PRH1: variants seen among roughly 807,000 people sequenced by gnomAD.
PRH1 encodes salivary acidic proline-rich phosphoprotein 1/2.
PRH1 carries 7 observed loss-of-function variants against 7.9 expected under a neutral mutation model. The observed-to-expected ratio is 0.89, with a 90% CI of 0.50 to 1.67. The LOEUF (loss-of-function observed/expected upper bound fraction) is 1.67. PRH1 is among the 40% of genes most tolerant of loss of function. The pLI, the probability that PRH1 is intolerant of heterozygous loss-of-function variation, is 0.00. For missense variants in PRH1, 109 were observed against 223.6 expected (o/e 0.49, Z 3.27); for synonymous variants, 45 against 80.8 (o/e 0.56, Z 2.38).
At chr12:10,944,631 G>C (rs115825361) in intron 2 of PRH1, among the ~76,000 whole-genome samples, 1 of 152,126 alleles carries the variant, frequency 6.6e-6, no homozygotes, top group Non-Finnish European at 1.5e-5. Context: ...ATCGTTTCCT[G>C]TTGCTGGTTT....
intron 1 of PRH1, among the ~76,000 whole-genome samples, chr12:10,978,268 C>T (rs542154627): frequency 5.1e-4 from 78 of 152,242 alleles, no homozygotes; most frequent in African/African-American, 1.8e-3. Flanking sequence ...TGCCACCCAC[C>T]TACAGCCATC....
intron 2 of PRH1, among the ~76,000 whole-genome samples, chr12:10,950,555 A>T (rs150532855): frequency 0.02 from 3,000 of 151,828 alleles, 35 homozygotes; most frequent in South Asian, 0.032. Flanking sequence ...TTATATATTT[A>T]ATATACTTAT....
downstream of PRH1, among the ~76,000 whole-genome samples, chr12:11,120,159 A>C (rs577010340): frequency 1.5e-4 from 23 of 152,362 alleles, no homozygotes; most frequent in African/African-American, 5.5e-4. Context: ...TGGTAGAAAC[A>C]AGAATGGACA....
chr12:10,978,938 C>A, intron 1 of PRH1, among the ~76,000 whole-genome samples: 1 of 151,950 alleles, frequency 6.6e-6, no homozygotes, highest in South Asian at 2.1e-4. Context: ...CAAAAACAGA[C>A]TCTGTCAAGG....
chr12:11,006,082 T>C (rs774252513), intron 1 of PRH1: 1 of 152,068 alleles, frequency 6.6e-6, no homozygotes, highest in Non-Finnish European at 1.5e-5. Context: ...TAAGAGATCT[T>C]GGAGTCAGAC....
chr12:11,017,423 C>T (rs556517678), intron 1 of PRH1, among the ~76,000 whole-genome samples: 6 of 152,170 alleles, frequency 3.9e-5, no homozygotes, highest in South Asian at 4.2e-4. Context: ...AGAACACCAA[C>T]GCAGATATTG....
chr12:10,882,205 C>T lies in PRH1; in HGVS notation c.*18+12G>A, dbSNP rs539062360. 3 of 1,613,036 alleles carry T rather than the reference C, an allele frequency of 1.9e-6. No individual in the cohort carries two copies. Among genetic ancestry groups the T allele is most frequent in the African/African-American group, 2.7e-5 (2 of 75,028 alleles). ...GTTGGAGCCTTTGATGGATAATAAA[C>T]TGGAATCGTACCTGTCATTGAATCC... On this transcript the variant is annotated intron_variant, in intron 3 of 3. Coordinates refer to ENST00000543626, the MANE Select transcript of PRH1 (RefSeq NM_001393989.1).
chr12:11,022,372 T>G, intron 1 of PRH1: 1 of 1,613,828 alleles, frequency 6.2e-7, no homozygotes, highest in Non-Finnish European at 8.5e-7. Flanking sequence ...CACAGTTGCA[T>G]ACCAAAGGAA....
At chr12:11,029,988 T>C (rs1942105058) in intron 1 of PRH1, among the ~76,000 whole-genome samples, 2 of 152,218 alleles carry the variant, frequency 1.3e-5, no homozygotes, top group Non-Finnish European at 2.9e-5. Context: ...TGTATTCCTG[T>C]GGTTCAAATA....
intron 1 of PRH1, among the ~76,000 whole-genome samples, chr12:11,094,117 C>T (rs569496735): frequency 8.9e-6 from 1 of 112,018 alleles, no homozygotes; most frequent in South Asian, 2.4e-4. Flanking sequence ...TCCTGGCCAA[C>T]ATGGTGAAAC....
intron 1 of PRH1, among the ~76,000 whole-genome samples, chr12:11,076,440 A>G (rs1483942398): frequency 0.47 from 51,432 of 108,448 alleles, 7,555 homozygotes; most frequent in Non-Finnish European, 0.56. Context: ...TTTAAGATAG[A>G]GAATATTTGA....
chr12:11,062,125 C>T lies in PRH1; in HGVS notation n.124-14937G>A. 2 of 1,613,594 alleles carry T rather than the reference C, an allele frequency of 1.2e-6. No individual in the cohort carries two copies. Among genetic ancestry groups the T allele is most frequent in the Non-Finnish European group, 1.7e-6 (2 of 1,179,796 alleles). Reference sequence around the variant, plus strand: ...ATTTAATACTAATACCCAGAGTAAACCAACTCTGGAGACTGCCAGAGCAGT... The same window carrying T: ...ATTTAATACTAATACCCAGAGTAAATCAACTCTGGAGACTGCCAGAGCAGT... On this transcript the variant is annotated intron_variant and non_coding_transcript_variant, in intron 1 of 4. Transcript: ENST00000541977.
At chr12:10,988,395 T>TA (rs1217764724) in intron 1 of PRH1, among the ~76,000 whole-genome samples, 1 of 151,936 alleles carries the variant, frequency 6.6e-6, no homozygotes, top group Non-Finnish European at 1.5e-5. Context: ...TTAAAGGTAA[T>TA]AAAAAAATGT....
chr12:10,956,144 T>G (rs1046798620), intron 2 of PRH1, among the ~76,000 whole-genome samples: 1 of 150,956 alleles, frequency 6.6e-6, no homozygotes, highest in Non-Finnish European at 1.5e-5. Context: ...GAAAACAACC[T>G]CAATAAACAT....
downstream of PRH1, among the ~76,000 whole-genome samples, chr12:11,118,669 C>T (rs1339550528): frequency 6.6e-6 from 1 of 152,094 alleles, no homozygotes; most frequent in Middle Eastern, 3.2e-3. Context: ...TGGAAGCAAT[C>T]AAAGTGTCCA....
At chr12:11,100,798 T>C (rs1945214478) in intron 1 of PRH1, among the ~76,000 whole-genome samples, 1 of 152,122 alleles carries the variant, frequency 6.6e-6, no homozygotes, top group Non-Finnish European at 1.5e-5. Flanking sequence ...CTAAATTATT[T>C]TTTATACCTT....
At chr12:11,109,330 G>A (rs1212499035) in intron 1 of PRH1, among the ~76,000 whole-genome samples, 1 of 152,234 alleles carries the variant, frequency 6.6e-6, no homozygotes, top group African/African-American at 2.4e-5. Context: ...AAAGGACAGA[G>A]TGCCTCCTTA....
intron 1 of PRH1, chr12:10,997,934 T>C: frequency 9.1e-7 from 1 of 1,099,358 alleles, no homozygotes; most frequent in Admixed American, 2.6e-5. Flanking sequence ...GTGACTCCTC[T>C]GATATTCAAG....
Position 10,909,578 on chromosome 12 carries a change from A to G in PRH1, c.-58-25303T>C, listed in dbSNP as rs1029561426. 6.5e-5 allele frequency: 25 copies of G among 384,082 alleles called. No individual in the cohort carries two copies. In the Admixed American group the frequency reaches 8.2e-4, roughly 13 times the overall value. 23.8% of individuals were successfully genotyped at this position (384,082 alleles called of 1,614,324 possible). A position where few individuals can be genotyped will look rare whatever the true frequency, so the allele number is the denominator to read the frequency against. On this transcript the variant is annotated intron_variant, in intron 2 of 3. Transcript: ENST00000539853. Reference sequence around the variant, plus strand: ...CATGGGCAGAAATATTTCATAGATGATTATGCAGCAAAGTTAAACTCACAT... The same window carrying G: ...CATGGGCAGAAATATTTCATAGATGGTTATGCAGCAAAGTTAAACTCACAT...
Sources: gnomAD v4.1 joint callset for allele counts (sites outside exome capture counted in the v4.1 genomes callset) on GRCh38, gnomAD v4.1.1 for gene constraint, MANE v1.5 for transcripts, NCBI Gene and HGNC (gene_info 2026-07-23, HGNC 2026-07-21) for gene names.